The following OSR2 variants were observed in gnomAD, a reference collection of about 807,000 sequenced individuals.
OSR2 encodes the protein protein odd-skipped-related 2.
In OSR2, 8 loss-of-function variants were observed where a neutral mutation model predicts 22.3. That is an observed-to-expected ratio of 0.36 (90% CI 0.21 to 0.65). The LOEUF (loss-of-function observed/expected upper bound fraction) is 0.65. Ranked by LOEUF, OSR2 falls within the 30% of genes least tolerant of loss-of-function variation. The probability of loss-of-function intolerance (pLI) is 0.66; values close to 1 mark genes in which losing one functional copy is unlikely to be tolerated. For missense variants in OSR2, 311 were observed against 413.4 expected (o/e 0.75, Z 2.15); for synonymous variants, 179 against 173.8 (o/e 1.03, Z -0.23).
At position 98,948,412 on chromosome 8, in the gene OSR2, G is replaced by A. The variant is rs1260588325; in HGVS notation, c.-114-427G>A. 4.9e-6 allele frequency: 7 copies of A among 1,427,892 alleles called. No individual in the cohort carries two copies. The highest frequency in any genetic ancestry group is 2.7e-6 in the Non-Finnish European group (3 of 1,092,678). 88.5% of individuals were successfully genotyped at this position (1,427,892 alleles called of 1,614,324 possible). A position where few individuals can be genotyped will look rare whatever the true frequency, so the allele number is the denominator to read the frequency against. On this transcript the variant is annotated intron_variant, in intron 1 of 3. Transcript: ENST00000297565. The surrounding 1 kb of genome is among the most constrained non-coding windows in gnomAD (Gnocchi z 6.0). ...GTTCCCAGGAGCTCCGAGGCGCAGC[G>A]GCGACAGAGGTTCGCCCCGGCCTGC...
At position 98,948,310 on chromosome 8, in the gene OSR2, T is replaced by G. The variant is rs781193310; in HGVS notation, c.-114-529T>G. On this transcript the variant is annotated intron_variant, in intron 1 of 3. Coordinates refer to ENST00000297565, the MANE Select transcript of OSR2 (RefSeq NM_001142462.3). The surrounding 1 kb of genome is among the most constrained non-coding windows in gnomAD (Gnocchi z 6.0). ...CTTGCACGCCGGCTTGCCATCCGGG[T>G]AAGCGCGGGAAAGGCGGCCACAGGG... 2.3e-5 allele frequency: 35 copies of G among 1,524,406 alleles called. No individual in the cohort carries two copies. The highest frequency in any genetic ancestry group is 3.0e-5 in the Non-Finnish European group (34 of 1,140,262). The allele number at this position is 1,524,406 out of a possible 1,614,324, so 94.4% of individuals were successfully genotyped here. A position where few individuals can be genotyped will look rare whatever the true frequency, so the allele number is the denominator to read the frequency against.
intron 1 of OSR2, among the ~76,000 whole-genome samples, chr8:98,945,161 A>G (rs1320383331): frequency 6.6e-6 from 1 of 152,246 alleles, no homozygotes; most frequent in East Asian, 1.9e-4. Flanking sequence ...CTGCCCTAGC[A>G]AGCCTGGGTC....
intron 1 of OSR2, among the ~76,000 whole-genome samples, chr8:98,946,887 A>T (rs1840626675): frequency 6.6e-6 from 1 of 152,134 alleles, no homozygotes; most frequent in Non-Finnish European, 1.5e-5. Flanking sequence ...TATGGGAAAG[A>T]GGTTGCTTTT....
At position 98,949,162 on chromosome 8, in the gene OSR2, G is replaced by C. The variant is rs757699123; in HGVS notation, c.210G>C (p.Thr70=). The C allele has an allele frequency of 1.9e-6, 3 of 1,610,916 alleles. No homozygotes were observed. In the East Asian group the frequency reaches 6.7e-5, roughly 36 times the overall value. Residue 70 remains threonine, a synonymous_variant, in exon 2 of 4, where the codon ACG becomes ACC. Coordinates refer to ENST00000297565, the MANE Select transcript of OSR2 (RefSeq NM_001142462.3). The surrounding 1 kb of genome is among the most constrained non-coding windows in gnomAD (Gnocchi z 5.9). The part of the protein sequence containing the change: ...NVHEITRSTI[T]EMAAAQGLVD... ...ACGAGATCACCCGCTCCACCATCAC[G>C]GAGATGGCGGCGGCGCAGGGCCTCG...
rs1298147131 is a variant in OSR2, at chr8:98,949,891, G to A, written c.656+283G>A. 1.3e-5 allele frequency among the ~76,000 whole-genome samples: 2 copies of A among 152,074 alleles called. No individual in the cohort carries two copies. Among genetic ancestry groups the A allele is most frequent in the East Asian group, 3.9e-4 (2 of 5,174 alleles). On this transcript the variant is annotated intron_variant, in intron 2 of 3. Coordinates refer to ENST00000297565, the MANE Select transcript of OSR2 (RefSeq NM_001142462.3). The surrounding 1 kb of genome is among the most constrained non-coding windows in gnomAD (Gnocchi z 5.9). ...TGGGATGGTTATCCTGTCTCCTCCC[G>A]GTGCTGTGGGGAGTGGTGCAGGCAG...
chr8:98,949,662 A>G lies in OSR2; in HGVS notation c.656+54A>G, dbSNP rs1398624943. On this transcript the variant is annotated intron_variant, in intron 2 of 3. Transcript: ENST00000297565. The surrounding 1 kb of genome is among the most constrained non-coding windows in gnomAD (Gnocchi z 5.9). Reference sequence around the variant, plus strand: ...GAGGGAAAGCGAATTTGTCCTGGACACACCGAGTCCTGATAGACATTCCCA... The same window carrying G: ...GAGGGAAAGCGAATTTGTCCTGGACGCACCGAGTCCTGATAGACATTCCCA... 1 of 1,547,720 alleles carries G rather than the reference A, an allele frequency of 6.5e-7. No homozygotes were observed. The highest frequency in any genetic ancestry group is 8.8e-7 in the Non-Finnish European group (1 of 1,142,226).
At chr8:98,945,984 C>T (rs1271824287) in intron 1 of OSR2, 3 of 152,212 alleles carry the variant, frequency 2.0e-5, no homozygotes, top group Non-Finnish European at 4.4e-5. Context: ...AAGAGCGAAA[C>T]TCCTTATCAA....
chr8:98,947,068 G>A (rs1164681934), intron 1 of OSR2, among the ~76,000 whole-genome samples: 2 of 151,890 alleles, frequency 1.3e-5, no homozygotes, highest in South Asian at 4.2e-4. Flanking sequence ...ACTTGCCACC[G>A]AGCAAAAATG....
In OSR2 at chr8:98,951,650, CTG is replaced by C. The variant is rs1356537490; in HGVS notation, c.891_892del (p.Cys297Ter). The C allele has an allele frequency of 1.2e-6, 2 of 1,613,850 alleles. No individual in the cohort carries two copies. Among genetic ancestry groups the C allele is most frequent in the Non-Finnish European group, 1.7e-6 (2 of 1,179,902 alleles). On this transcript the variant is annotated frameshift_variant, in exon 4 of 4. Coordinates refer to ENST00000297565, the MANE Select transcript of OSR2 (RefSeq NM_001142462.3). LOFTEE classifies it high-confidence loss of function. Reference protein sequence around the residue: ...EQCGKVFRRNCDLRRHSLTHT... With the variant: ...EQCGKVFRRNXDLRRHSLTHT... ...AGTGCGGCAAAGTGTTCAGGCGAAA[CTG>C]TGATCTGCGGCGGCACAGCCTGACT...
rs1840789047 is a variant in OSR2, at chr8:98,951,736, C to T, written c.*35C>T. 6.3e-7 allele frequency: 1 copy of T among 1,579,504 alleles called. No individual in the cohort carries two copies. The highest frequency in any genetic ancestry group is 1.8e-5 in the Admixed American group (1 of 55,014). ...GGATCTGTCCCGTGCCGCCGCTGCT[C>T]CCCTCCCCAGACACCTCTCCACGTC... On this transcript the variant is annotated 3_prime_UTR_variant, in exon 4 of 4. Coordinates refer to ENST00000297565, the MANE Select transcript of OSR2 (RefSeq NM_001142462.3).
Position 98,949,131 on chromosome 8 carries a change from A to G in OSR2, c.179A>G (p.Asn60Ser), listed in dbSNP as rs372295284. Residue 60 changes from asparagine (N) to serine (S), a missense_variant, in exon 2 of 4, where the codon AAT becomes AGT. Around this residue, in one of 5 missense-constraint regions of OSR2, gnomAD observed 146 missense variants for 160.5 expected, o/e 0.91. Transcript: ENST00000297565. This position sits in a 1 kb window ranked among gnomAD's most constrained non-coding sequence, Gnocchi z 5.9. Reference sequence around the variant, plus strand: ...AACCACTGGACGCTGGGGTATCCCAATGTGCACGAGATCACCCGCTCCACC... The same window carrying G: ...AACCACTGGACGCTGGGGTATCCCAGTGTGCACGAGATCACCCGCTCCACC... Reference protein sequence around the residue: ...HMNHWTLGYPNVHEITRSTIT... With the variant: ...HMNHWTLGYPSVHEITRSTIT... 250 of 1,613,610 alleles carry G rather than the reference A, an allele frequency of 1.5e-4. No individual in the cohort carries two copies. In the South Asian group the frequency reaches 2.1e-3, roughly 14 times the overall value.
chr8:98,948,342 G>A lies in OSR2; in HGVS notation c.-114-497G>A, dbSNP rs1840672441. 1 of 1,522,538 alleles carries A rather than the reference G, an allele frequency of 6.6e-7. No homozygotes were observed. The allele number at this position is 1,522,538 out of a possible 1,614,324, so 94.3% of individuals were successfully genotyped here. The stretch of plus-strand genomic sequence containing the variant: ...GGGAAAGGCGGCCACAGGGCGCGGC[G>A]GCAGCGCAGCGCGTGGGATCTCACG... On this transcript the variant is annotated intron_variant, in intron 1 of 3. Transcript: ENST00000297565. This position sits in a 1 kb window ranked among gnomAD's most constrained non-coding sequence, Gnocchi z 6.0.
At position 98,949,540 on chromosome 8, in the gene OSR2, C is replaced by T. The variant is rs1172329963; in HGVS notation, c.588C>T (p.Asp196=). ...NLLIHERTHT[D]ERPYTCDICH... ...TCATCCATGAGAGGACCCACACGGA[C>T]GAGAGGCCGTACACGTGTGACATCT... The change falls in exon 2 of 4, where the codon GAC becomes GAT. Residue 196 remains aspartate, a synonymous_variant. Coordinates refer to ENST00000297565, the MANE Select transcript of OSR2 (RefSeq NM_001142462.3). This position sits in a 1 kb window ranked among gnomAD's most constrained non-coding sequence, Gnocchi z 5.9. 1.2e-6 allele frequency: 2 copies of T among 1,614,136 alleles called. No homozygotes were observed. The highest frequency in any genetic ancestry group is 1.7e-6 in the Non-Finnish European group (2 of 1,180,004).
In OSR2 at chr8:98,949,864, C is replaced by T. The variant is rs181820566; in HGVS notation, c.656+256C>T. 6.6e-6 allele frequency among the ~76,000 whole-genome samples: 1 copy of T among 152,286 alleles called. No homozygotes were observed. The highest frequency in any genetic ancestry group is 1.5e-5 in the Non-Finnish European group (1 of 68,032). ...ACAGGAACAATCTGTTGGCCTTAGT[C>T]CTGGGATGGTTATCCTGTCTCCTCC... On this transcript the variant is annotated intron_variant, in intron 2 of 3. Transcript: ENST00000297565. The surrounding 1 kb of genome is among the most constrained non-coding windows in gnomAD (Gnocchi z 5.9).
intron 1 of OSR2, among the ~76,000 whole-genome samples, chr8:98,947,911 TGTAGGGGTC>T (rs1840657776): frequency 6.6e-6 from 1 of 151,790 alleles, no homozygotes; most frequent in Non-Finnish European, 1.5e-5. Context: ...GGTGGAGGGA[TGTAGGGGTC>T]GCTCCTCGGT....
intron 1 of OSR2, among the ~76,000 whole-genome samples, chr8:98,946,804 C>T (rs1448364604): frequency 1.3e-5 from 2 of 152,190 alleles, no homozygotes; most frequent in East Asian, 3.9e-4. Context: ...GGGAGTTGTG[C>T]TTTGCCTCCT....
Position 98,948,474 on chromosome 8 carries a change from C to A in OSR2, c.-114-365C>A. The A allele has an allele frequency of 2.5e-6, 1 of 403,572 alleles. No homozygotes were observed. Among genetic ancestry groups the A allele is most frequent in the South Asian group, 3.2e-5 (1 of 31,676 alleles). 25.0% of individuals were successfully genotyped at this position (403,572 alleles called of 1,614,324 possible). On this transcript the variant is annotated intron_variant, in intron 1 of 3. Transcript: ENST00000297565. The surrounding 1 kb of genome is among the most constrained non-coding windows in gnomAD (Gnocchi z 6.0). ...TTGCGGTTGACTGAGCTTCGCCTAA[C>A]AGGCTTGGGGAGGGTGGGCTGGGCT... is the stretch of plus-strand genomic sequence containing the variant.
At chr8:98,945,535 A>G (rs1840585694) in intron 1 of OSR2, among the ~76,000 whole-genome samples, 1 of 152,240 alleles carries the variant, frequency 6.6e-6, no homozygotes, top group South Asian at 2.1e-4. Context: ...GAAAGGGCGC[A>G]GACAGCCACT....
rs1334887717 is a variant in OSR2, at chr8:98,948,086, C to A, written c.-114-753C>A. 7.5e-7 allele frequency: 1 copy of A among 1,337,468 alleles called. No individual in the cohort carries two copies. The highest frequency in any genetic ancestry group is 1.5e-5 in the African/African-American group (1 of 65,834). 82.9% of individuals were successfully genotyped at this position (1,337,468 alleles called of 1,614,324 possible). A position where few individuals can be genotyped will look rare whatever the true frequency, so the allele number is the denominator to read the frequency against. ...CTTAGTCGGGGGTTGGGAGGAGAGC[C>A]CGTGGATAGGAGGAGGGGGCGATTC... is the stretch of plus-strand genomic sequence containing the variant. On this transcript the variant is annotated intron_variant, in intron 1 of 3. Transcript: ENST00000297565. This position sits in a 1 kb window ranked among gnomAD's most constrained non-coding sequence, Gnocchi z 6.0.
Sources: allele counts gnomAD v4.1 joint callset (sites outside exome capture counted in the v4.1 genomes callset), GRCh38; gene constraint gnomAD v4.1.1; regional missense constraint gnomAD v4.1.1; non-coding constraint Gnocchi (gnomAD v3.1); transcripts MANE v1.5; gene names NCBI Gene and HGNC (gene_info 2026-07-23, HGNC 2026-07-21).